RIMS1: variants seen among roughly 807,000 people sequenced by gnomAD.
RIMS1 encodes regulating synaptic membrane exocytosis protein 1.
RIMS1 carries 83 observed loss-of-function variants against 214.1 expected under a neutral mutation model. The ratio of observed to expected loss-of-function variants is 0.39; its 90% CI spans 0.32 to 0.47. The LOEUF is 0.47. Among genes scored for constraint, RIMS1 ranks in the 20% least tolerant of loss-of-function variants. The probability of loss-of-function intolerance (pLI) is 0.99; values close to 1 mark genes in which losing one functional copy is unlikely to be tolerated. For synonymous variants in RIMS1, 793 were observed against 786.8 expected (o/e 1.01, Z -0.13); for missense variants, 2,050 against 2,161.8 (o/e 0.95, Z 1.03).
intron 29 of RIMS1, among the ~76,000 whole-genome samples, chr6:72,350,038 A>G (rs1460154980): frequency 6.6e-6 from 1 of 152,078 alleles, no homozygotes; most frequent in Non-Finnish European, 1.5e-5. Flanking sequence ...ATTTACTCTC[A>G]CTTCAGTTCT....
intron 28 of RIMS1, among the ~76,000 whole-genome samples, chr6:72,328,802 C>A (rs981356068): frequency 1.3e-5 from 2 of 149,848 alleles, no homozygotes; most frequent in Admixed American, 1.3e-4. Flanking sequence ...TAGTAGCATT[C>A]AAAAAAAAAT....
intron 19 of RIMS1, chr6:72,263,097 G>T: frequency 1.0e-6 from 1 of 982,492 alleles, no homozygotes; most frequent in Non-Finnish European, 1.2e-6. Context: ...ATGAAAACTT[G>T]TCCTATGAGA....
chr6:72,187,418 A>G (rs1320485554), intron 6 of RIMS1, among the ~76,000 whole-genome samples: 12 of 151,956 alleles, frequency 7.9e-5, no homozygotes, highest in Admixed American at 7.9e-4. Flanking sequence ...TCCCTGAGGT[A>G]ATAAAGTAGG....
intron 6 of RIMS1, among the ~76,000 whole-genome samples, chr6:72,227,589 A>G (rs2060585868): frequency 6.6e-6 from 1 of 151,964 alleles, no homozygotes; most frequent in African/African-American, 2.4e-5. Flanking sequence ...CAGAAAAAGT[A>G]CTGCCTCTAC....
intron 6 of RIMS1, among the ~76,000 whole-genome samples, chr6:72,230,249 G>T (rs978522142): frequency 1.3e-5 from 2 of 151,534 alleles, no homozygotes; most frequent in Non-Finnish European, 3.0e-5. Flanking sequence ...TCTTAGAATT[G>T]GTTTGAATTC....
At position 72,132,996 on chromosome 6, in the gene RIMS1, G is replaced by C. The variant is rs116703453; in HGVS notation, c.471+33010G>C. On this transcript the variant is annotated intron_variant, in intron 4 of 33. Transcript: ENST00000521978. The stretch of plus-strand genomic sequence containing the variant: ...GACAACCCTATTACTATCTAGTCAT[G>C]ACAAATGAGAAAATTGAGTCACAGC... Among the ~76,000 whole-genome samples the C allele has an allele frequency of 5.4e-3, 824 of 151,950 alleles. 11 individuals are homozygous for C. Among genetic ancestry groups the C allele is most frequent in the African/African-American group, 0.019 (799 of 41,462 alleles).
chr6:71,915,247 A>G (rs1039506344), intron 1 of RIMS1, among the ~76,000 whole-genome samples: 1 of 151,954 alleles, frequency 6.6e-6, no homozygotes, highest in African/African-American at 2.4e-5. Context: ...TTTATTTTCC[A>G]TATATTACTT....
intron 6 of RIMS1, among the ~76,000 whole-genome samples, chr6:72,221,040 CAT>C (rs942657612): frequency 2.6e-4 from 39 of 152,112 alleles, no homozygotes; most frequent in African/African-American, 8.7e-4. Context: ...TGGTAAGAAA[CAT>C]GTGGTTTGTA....
At chr6:72,238,140 A>G (rs1227397599) in intron 9 of RIMS1, among the ~76,000 whole-genome samples, 1 of 152,068 alleles carries the variant, frequency 6.6e-6, no homozygotes, top group Non-Finnish European at 1.5e-5. Flanking sequence ...CATCAGCAGC[A>G]ATCTGGAGAG....
chr6:72,366,314 T>C (rs564549539), intron 29 of RIMS1, among the ~76,000 whole-genome samples: 2 of 152,310 alleles, frequency 1.3e-5, no homozygotes, highest in South Asian at 2.1e-4. Context: ...GAGATCGATA[T>C]AGAACCTTCC....
At chr6:72,362,526 A>AG (rs764019931) in intron 29 of RIMS1, among the ~76,000 whole-genome samples, 21 of 152,146 alleles carry the variant, frequency 1.4e-4, no homozygotes, top group African/African-American at 4.3e-4. Flanking sequence ...ATGTGTAATG[A>AG]GGGGGGAAGA....
intron 2 of RIMS1, among the ~76,000 whole-genome samples, chr6:72,026,323 A>G (rs1433553572): frequency 6.6e-6 from 1 of 152,064 alleles, no homozygotes; most frequent in African/African-American, 2.4e-5. Context: ...GGCCTATAGT[A>G]TATTATATCT....
intron 29 of RIMS1, among the ~76,000 whole-genome samples, chr6:72,375,042 T>TG (rs1225239273): frequency 6.6e-6 from 1 of 152,184 alleles, no homozygotes; most frequent in African/African-American, 2.4e-5. Context: ...ATGCAAACAA[T>TG]GGGGAGCAGC....
At chr6:72,119,935 G>A (rs911622412) in intron 4 of RIMS1, among the ~76,000 whole-genome samples, 10 of 151,556 alleles carry the variant, frequency 6.6e-5, no homozygotes, top group South Asian at 2.1e-4. Flanking sequence ...TAGTTTCCTC[G>A]GAATGATGGT....
In RIMS1 at chr6:72,233,824, C is replaced by A; in HGVS notation, c.1730C>A (p.Thr577Lys). The A allele has an allele frequency of 6.3e-7, 1 of 1,580,232 alleles. No individual in the cohort carries two copies. The change falls in exon 7 of 34, where the codon ACA (threonine) becomes AAA (lysine). Residue 577 changes from threonine to lysine, a missense_variant. Thr to Lys is a moderately conservative substitution (Grantham distance 78). This residue lies in a region of RIMS1 where 882 missense variants were observed against 828.9 expected (regional missense o/e 1.06). Transcript: ENST00000521978. The stretch of plus-strand genomic sequence containing the variant: ...CCTGCCACGTGGCACAGCCGGGAGA[C>A]ATCACCTATTAGTTCGGTAAGTTTT... ...LDPATWHSRE[T>K]SPISSHPVTW...
intron 1 of RIMS1, among the ~76,000 whole-genome samples, chr6:71,951,989 C>T (rs77539970): frequency 0.012 from 1,837 of 152,138 alleles, 10 homozygotes; most frequent in Non-Finnish European, 0.018. Flanking sequence ...CTTTCTCCAC[C>T]CAGGTCTCAT....
At chr6:72,219,208 C>A (rs1474583657) in intron 6 of RIMS1, among the ~76,000 whole-genome samples, 1 of 152,116 alleles carries the variant, frequency 6.6e-6, no homozygotes, top group East Asian at 1.9e-4. Flanking sequence ...AGAAGCATGT[C>A]AATTTATCAA....
chr6:72,262,240 A>G (rs1202612514), intron 19 of RIMS1: 2 of 786,680 alleles, frequency 2.5e-6, no homozygotes, highest in African/African-American at 1.9e-5. Context: ...ATTATATAAT[A>G]GTTGCATCAT....
intron 2 of RIMS1, among the ~76,000 whole-genome samples, chr6:72,049,258 GT>G (rs954579358): frequency 3.5e-4 from 52 of 148,110 alleles, no homozygotes; most frequent in African/African-American, 7.2e-4. Context: ...GGGGAAACAA[GT>G]TTTTTTTTTT....
Sources: allele counts gnomAD v4.1 joint callset (sites outside exome capture counted in the v4.1 genomes callset), GRCh38; gene constraint gnomAD v4.1.1; regional missense constraint gnomAD v4.1.1; transcripts MANE v1.5; gene names NCBI Gene and HGNC (gene_info 2026-07-23, HGNC 2026-07-21).